Variants in RARA observed in about 807,000 individuals in gnomAD.
RARA encodes PML-DDX5-RARA fusion.
A neutral mutation model predicts 42.8 loss-of-function variants in RARA; 5 were observed. The observed-to-expected ratio is 0.12, with a 90% CI of 0.06 to 0.25. RARA has a LOEUF of 0.25. RARA is among the 10% of genes least tolerant of loss of function. The pLI, the probability that RARA is intolerant of heterozygous loss-of-function variation, is 1.00. For missense variants in RARA, 402 were observed against 628.7 expected, an observed-to-expected ratio of 0.64 and a Z score of 3.86; for synonymous variants, 256 against 259.5, an observed-to-expected ratio of 0.99 and a Z score of 0.13.
rs1190307191 is a variant in RARA at position 40,354,962 on chromosome 17, G to T, written c.1013-301G>T. 6.6e-6 allele frequency among the ~76,000 whole-genome samples: 1 copy of T among 152,210 alleles called. No individual in the cohort carries two copies. The highest frequency in any genetic ancestry group is 2.4e-5 in the African/African-American group (1 of 41,438). On this transcript the variant is annotated intron_variant, in intron 7 of 8. Coordinates refer to ENST00000254066, the MANE Select transcript of RARA (RefSeq NM_000964.4). The surrounding 1 kb of genome is among the most constrained non-coding windows in gnomAD (Gnocchi z 4.5). ...TTCATCTGGTTTCCAGAATAACAGG[G>T]GGGAGTGGGAGCCTGCCTGGGAACC...
intron 1 of RARA, among the ~76,000 whole-genome samples, chr17:40,312,264 C>A (rs1474474529): frequency 6.6e-6 from 1 of 152,216 alleles, no homozygotes; most frequent in African/African-American, 2.4e-5. Context: ...CTCCTCCTCC[C>A]GCAGGGTAGG....
chr17:40,356,599 C>G lies in RARA; in HGVS notation c.*373C>G. On this transcript the variant is annotated 3_prime_UTR_variant, in exon 9 of 9. Transcript: ENST00000254066. ...TTGGCTCCCCCATCCTCAGAACTCA[C>G]AAGCCATTGCTCCCCAGCTGGGGAA... The G allele has an allele frequency of 1.8e-6, 1 of 557,902 alleles. No individual in the cohort carries two copies. Among genetic ancestry groups the G allele is most frequent in the East Asian group, 3.8e-5 (1 of 26,498 alleles). 34.6% of individuals were successfully genotyped at this position (557,902 alleles called of 1,614,324 possible). A position where few individuals can be genotyped will look rare whatever the true frequency, so the allele number is the denominator to read the frequency against.
At chr17:40,336,385 T>C (rs2143323011) in intron 2 of RARA, among the ~76,000 whole-genome samples, 1 of 151,702 alleles carries the variant, frequency 6.6e-6, no homozygotes, top group East Asian at 1.9e-4. Flanking sequence ...CAAAGACATT[T>C]ATTCATTTAT....
In RARA at chr17:40,352,372, C is replaced by G; in HGVS notation, c.672C>G (p.Leu224=). Residue 224 remains leucine (L), a synonymous_variant, in exon 6 of 9, where the codon CTC becomes CTG. Transcript: ENST00000254066. The surrounding 1 kb of genome is among the most constrained non-coding windows in gnomAD (Gnocchi z 4.9). Reference sequence around the variant, plus strand: ...AACGTGTCTCTCTGGACATTGACCTCTGGGACAAGTTCAGTGAACTCTCCA... The same window carrying G: ...AACGTGTCTCTCTGGACATTGACCTGTGGGACAAGTTCAGTGAACTCTCCA... ...SEQRVSLDID[L]WDKFSELSTK... is the part of the protein sequence containing the mutation. 6.2e-7 allele frequency: 1 copy of G among 1,613,128 alleles called. No individual in the cohort carries two copies. Among genetic ancestry groups the G allele is most frequent in the Non-Finnish European group, 8.5e-7 (1 of 1,179,370 alleles).
At chr17:40,344,115 G>C (rs892072393) in intron 2 of RARA, among the ~76,000 whole-genome samples, 2 of 151,390 alleles carry the variant, frequency 1.3e-5, no homozygotes, top group Admixed American at 6.6e-5. Context: ...GGGGGGCCCT[G>C]GCAGATTGGA....
chr17:40,343,705 T>C (rs2034154824), intron 2 of RARA, among the ~76,000 whole-genome samples: 1 of 152,142 alleles, frequency 6.6e-6, no homozygotes, highest in African/African-American at 2.4e-5. Flanking sequence ...GTCCTTTTGT[T>C]ACCCTGACTT....
At chr17:40,347,154 A>G (rs939044471) in intron 2 of RARA, among the ~76,000 whole-genome samples, 1 of 152,188 alleles carries the variant, frequency 6.6e-6, no homozygotes. Context: ...AATGCCAGCC[A>G]GTCTCATGTG....
At chr17:40,333,533 G>A (rs2033760854) in intron 2 of RARA, among the ~76,000 whole-genome samples, 1 of 150,640 alleles carries the variant, frequency 6.6e-6, no homozygotes, top group East Asian at 2.0e-4. Context: ...ATGGGGTTTT[G>A]CCATGTTGGC....
chr17:40,349,506 A>G (rs2034375325), intron 3 of RARA: 1 of 381,570 alleles, frequency 2.6e-6, no homozygotes, highest in South Asian at 3.5e-5. Flanking sequence ...AGCAGCCCTG[A>G]GGTCTTTTCC....
rs1156833601 is a variant in RARA at position 40,331,095 on chromosome 17, C to T, written c.-124C>T. 11 of 1,123,428 alleles carry T rather than the reference C, an allele frequency of 9.8e-6. No homozygotes were observed. The highest frequency in any genetic ancestry group is 1.3e-5 in the Non-Finnish European group (10 of 798,496). The allele number at this position is 1,123,428 out of a possible 1,614,324, so 69.6% of individuals were successfully genotyped here. A position where few individuals can be genotyped will look rare whatever the true frequency, so the allele number is the denominator to read the frequency against. ...TTTGGACAGCAGCTCCAGGACAGGG[C>T]GGGTGGGCTGACCACCCAAACCCCA... is the stretch of plus-strand genomic sequence containing the variant. On this transcript the variant is annotated 5_prime_UTR_variant, in exon 2 of 9. Coordinates refer to ENST00000254066, the MANE Select transcript of RARA (RefSeq NM_000964.4).
Position 40,351,846 on chromosome 17 carries a change from C to T in RARA, c.470-64C>T, listed in dbSNP as rs570505075. 12 of 1,565,710 alleles carry T rather than the reference C, an allele frequency of 7.7e-6. No homozygotes were observed. The South Asian group carries it at 1.4e-4, about 19-fold the overall frequency. Reference sequence around the variant, plus strand: ...CAGCAGCTGGCAGCTCTCTGTCAGGCTGGGGGTGGACGAGGCCCTGAGCAG... The same window carrying T: ...CAGCAGCTGGCAGCTCTCTGTCAGGTTGGGGGTGGACGAGGCCCTGAGCAG... On this transcript the variant is annotated intron_variant, in intron 4 of 8. Transcript: ENST00000254066. This position sits in a 1 kb window ranked among gnomAD's most constrained non-coding sequence, Gnocchi z 4.1.
chr17:40,325,977 A>G (rs1292234319), intron 1 of RARA, among the ~76,000 whole-genome samples: 2 of 152,092 alleles, frequency 1.3e-5, no homozygotes, highest in Non-Finnish European at 2.9e-5. Flanking sequence ...CCTAAATCCA[A>G]AGGTTTCCCT....
chr17:40,320,988 C>T lies in RARA; in HGVS notation c.-362-9869C>T, dbSNP rs1272541161. 2.6e-5 allele frequency among the ~76,000 whole-genome samples: 4 copies of T among 152,136 alleles called. No homozygotes were observed. The highest frequency in any genetic ancestry group is 1.9e-4 in the East Asian group (1 of 5,200). Reference sequence around the variant, plus strand: ...GAAAGGAGTATGGCAACTGATACCCCGGCTCCCAGGGCTTTGGCTGAACAT... The same window carrying T: ...GAAAGGAGTATGGCAACTGATACCCTGGCTCCCAGGGCTTTGGCTGAACAT... On this transcript the variant is annotated intron_variant, in intron 1 of 8. Coordinates refer to ENST00000254066, the MANE Select transcript of RARA (RefSeq NM_000964.4). The surrounding 1 kb of genome is among the most constrained non-coding windows in gnomAD (Gnocchi z 4.1).
chr17:40,319,097 T>C (rs765933426), intron 1 of RARA, among the ~76,000 whole-genome samples: 2 of 152,220 alleles, frequency 1.3e-5, no homozygotes, highest in Non-Finnish European at 2.9e-5. Flanking sequence ...TTTGCTCTGC[T>C]GAGGGTGTCT....
intron 1 of RARA, among the ~76,000 whole-genome samples, chr17:40,322,041 G>A (rs2033404478): frequency 6.6e-6 from 1 of 152,032 alleles, no homozygotes; most frequent in Admixed American, 6.5e-5. Context: ...AGATGGGGGT[G>A]GTTCTCTGTT....
intron 1 of RARA, among the ~76,000 whole-genome samples, chr17:40,313,951 C>T (rs1206174515): frequency 6.6e-6 from 1 of 152,174 alleles, no homozygotes; most frequent in South Asian, 2.1e-4. Context: ...GCTCAGTCCC[C>T]TTCTGGCTCA....
Position 40,355,476 on chromosome 17 carries a change from C to T in RARA, c.1171+55C>T. The T allele has an allele frequency of 1.3e-6, 2 of 1,554,144 alleles. No individual in the cohort carries two copies. Among genetic ancestry groups the T allele is most frequent in the Non-Finnish European group, 1.7e-6 (2 of 1,145,922 alleles). ...GCCCCCGACACCTGGCCCAGGCCCCCACATCCAAGCCAGCACCCCATGTCT... is the reference window on the plus strand; with the variant it reads ...GCCCCCGACACCTGGCCCAGGCCCCTACATCCAAGCCAGCACCCCATGTCT... On this transcript the variant is annotated intron_variant, in intron 8 of 8. Transcript: ENST00000254066. This position sits in a 1 kb window ranked among gnomAD's most constrained non-coding sequence, Gnocchi z 4.1.
At chr17:40,310,297 G>A (rs2033071017) in intron 1 of RARA, among the ~76,000 whole-genome samples, 1 of 152,012 alleles carries the variant, frequency 6.6e-6, no homozygotes, top group African/African-American at 2.4e-5. Flanking sequence ...GAAGATCTAG[G>A]GCGTGTCATT....
intron 2 of RARA, among the ~76,000 whole-genome samples, chr17:40,339,423 C>T (rs994711841): frequency 1.3e-5 from 2 of 152,206 alleles, no homozygotes; most frequent in African/African-American, 4.8e-5. Context: ...AGACAGCTGC[C>T]GCTGGAGGCC....
Sources: allele counts gnomAD v4.1 joint callset (sites outside exome capture counted in the v4.1 genomes callset), GRCh38; gene constraint gnomAD v4.1.1; non-coding constraint Gnocchi (gnomAD v3.1); transcripts MANE v1.5; gene names NCBI Gene and HGNC (gene_info 2026-07-23, HGNC 2026-07-21).